MCTP2: variants seen among roughly 807,000 people sequenced by gnomAD.
The protein encoded by MCTP2 is multiple C2 and transmembrane domain containing 2.
Under a neutral mutation model 111.6 loss-of-function variants are expected in MCTP2, and 132 were observed. The ratio of observed to expected loss-of-function variants is 1.18; its 90% CI spans 1.03 to 1.37. The LOEUF is 1.37. Among genes scored for constraint, MCTP2 ranks in the 40% most tolerant of loss-of-function variants. The probability of loss-of-function intolerance (pLI) is 0.00; values close to 1 mark genes in which losing one functional copy is unlikely to be tolerated. For missense variants in MCTP2, 1,183 were observed against 1,067.9 expected, an observed-to-expected ratio of 1.11 and a Z score of -1.50; for synonymous variants, 395 against 387.7, an observed-to-expected ratio of 1.02 and a Z score of -0.22.
chr15:94,328,500 A>T (rs2076991333), intron 4 of MCTP2, among the ~76,000 whole-genome samples: 1 of 151,932 alleles, frequency 6.6e-6, no homozygotes, highest in Non-Finnish European at 1.5e-5. Context: ...TATTTGTTTC[A>T]TTGTCTGTAA....
In MCTP2 at chr15:94,479,996, A is replaced by ATGTATCTTT. The variant is rs1393864650; in HGVS notation, c.*966_*974dup. The ATGTATCTTT allele has an allele frequency of 6.6e-6, 1 of 152,172 alleles. No individual in the cohort carries two copies. Among genetic ancestry groups the ATGTATCTTT allele is most frequent in the Non-Finnish European group, 1.5e-5 (1 of 68,022 alleles). The allele number at this position is 152,172 out of a possible 1,614,324, so 9.4% of individuals were successfully genotyped here. A position where few individuals can be genotyped will look rare whatever the true frequency, so the allele number is the denominator to read the frequency against. On this transcript the variant is annotated 3_prime_UTR_variant, in exon 23 of 23. Coordinates refer to ENST00000357742, the MANE Select transcript of MCTP2 (RefSeq NM_001385001.1). ...AAGTAGAAATACTTTGGCTGCCCAA[A>ATGTATCTTT]TGTATCTTTTGTTCCTCTTAGAAGT...
At chr15:94,420,794 G>T (rs2082590137) in intron 17 of MCTP2, among the ~76,000 whole-genome samples, 1 of 152,160 alleles carries the variant, frequency 6.6e-6, no homozygotes, top group African/African-American at 2.4e-5. Context: ...AAATGACTTA[G>T]AATATTCCAT....
intron 12 of MCTP2, among the ~76,000 whole-genome samples, chr15:94,378,347 C>T (rs909281723): frequency 6.7e-6 from 1 of 149,820 alleles, no homozygotes; most frequent in African/African-American, 2.5e-5. Context: ...CATGATGAAA[C>T]CTGATGTCTA....
rs376091751 is a variant in MCTP2, at chr15:94,479,020, C to T, written c.2623C>T (p.Arg875Cys). The T allele has an allele frequency of 1.9e-5, 31 of 1,613,930 alleles. No homozygotes were observed. Among genetic ancestry groups the T allele is most frequent in the Middle Eastern group, 1.6e-4 (1 of 6,084 alleles). ...CAGCCACAGCCCCCTGCGGAAGAAG[C>T]GCAGCGCTCTCTAGGGCACACACCG... ...CSSHSPLRKK[R>C]SAL Residue 875 changes from arginine to cysteine, a missense_variant, in exon 23 of 23, where the codon CGC becomes TGC. Coordinates refer to ENST00000357742, the MANE Select transcript of MCTP2 (RefSeq NM_001385001.1).
At chr15:94,352,948 C>G (rs1596451219) in intron 8 of MCTP2, among the ~76,000 whole-genome samples, 1 of 152,320 alleles carries the variant, frequency 6.6e-6, no homozygotes, top group African/African-American at 2.4e-5. Context: ...AGTACACCTC[C>G]TCCAGCATGT....
chr15:94,325,282 G>T (rs2076810186), intron 4 of MCTP2, among the ~76,000 whole-genome samples: 2 of 152,164 alleles, frequency 1.3e-5, no homozygotes, highest in South Asian at 4.1e-4. Flanking sequence ...GCGGGGCCGT[G>T]AGGTGGGTGG....
chr15:94,452,169 A>G (rs776772176), intron 19 of MCTP2, among the ~76,000 whole-genome samples: 12 of 152,182 alleles, frequency 7.9e-5, no homozygotes, highest in Non-Finnish European at 1.3e-4. Context: ...TTTCCTATAC[A>G]TGGAAATACT....
intron 12 of MCTP2, 113 bp from the exon 13 acceptor site, chr15:94,383,909 A>G: frequency 1.4e-6 from 1 of 726,354 alleles, no homozygotes; most frequent in Non-Finnish European, 2.4e-6. Context: ...TTGGAAAAGC[A>G]GTCTTGCCTT....
At chr15:94,260,455 T>C (rs2073118399) in intron 1 of MCTP2, among the ~76,000 whole-genome samples, 1 of 152,232 alleles carries the variant, frequency 6.6e-6, no homozygotes, top group Admixed American at 6.5e-5. Flanking sequence ...TCGTCTTCTC[T>C]CATGGGCCAC....
intron 21 of MCTP2, among the ~76,000 whole-genome samples, chr15:94,474,466 G>T (rs2074185843): frequency 6.6e-6 from 1 of 152,218 alleles, no homozygotes; most frequent in Non-Finnish European, 1.5e-5. Context: ...GTACAGGAAG[G>T]TTACGTGATT....
intron 17 of MCTP2, among the ~76,000 whole-genome samples, chr15:94,407,211 A>G (rs1567644765): frequency 2.0e-5 from 3 of 152,154 alleles, no homozygotes; most frequent in South Asian, 2.1e-4. Context: ...TGCATTTTTC[A>G]TATGTTAAAA....
chr15:94,470,100 C>A (rs1384584791), intron 20 of MCTP2, among the ~76,000 whole-genome samples: 1 of 152,122 alleles, frequency 6.6e-6, no homozygotes, highest in African/African-American at 2.4e-5. Flanking sequence ...GAGGTAAAGT[C>A]ACCAATATTC....
intron 17 of MCTP2, among the ~76,000 whole-genome samples, chr15:94,433,276 A>G (rs374559981): frequency 1.3e-5 from 2 of 152,180 alleles, no homozygotes; most frequent in East Asian, 3.8e-4. Flanking sequence ...ACTATTGCAG[A>G]TAAATTTTAG....
chr15:94,298,836 C>G, intron 2 of MCTP2, 106 bp downstream of exon 2: 1 of 412,542 alleles, frequency 2.4e-6, no homozygotes, highest in Non-Finnish European at 3.7e-6. Context: ...CCCTCCCCCT[C>G]CCTCTCTCTT....
chr15:94,411,433 G>A (rs2082147942), intron 17 of MCTP2, among the ~76,000 whole-genome samples: 1 of 152,132 alleles, frequency 6.6e-6, no homozygotes, highest in Non-Finnish European at 1.5e-5. Context: ...CAAGCGGAGG[G>A]CCCTTTTATT....
chr15:94,377,171 A>G (rs1191487142), intron 12 of MCTP2, among the ~76,000 whole-genome samples: 1 of 152,172 alleles, frequency 6.6e-6, no homozygotes, highest in Non-Finnish European at 1.5e-5. Flanking sequence ...TTTCAACCAC[A>G]TGCCCATATT....
intron 21 of MCTP2, chr15:94,476,416 C>T (rs1190671007): frequency 8.6e-6 from 2 of 231,872 alleles, no homozygotes; most frequent in African/African-American, 4.6e-5. Context: ...GGCAGAGCCC[C>T]TCTTCACCAG....
At chr15:94,456,335 T>G (rs1170937779) in intron 19 of MCTP2, among the ~76,000 whole-genome samples, 2 of 152,182 alleles carry the variant, frequency 1.3e-5, no homozygotes, top group African/African-American at 4.8e-5. Flanking sequence ...GAAAAAAAAT[T>G]AGACAGTTGA....
At chr15:94,271,455 T>C (rs1036119598) in intron 1 of MCTP2, among the ~76,000 whole-genome samples, 3 of 152,226 alleles carry the variant, frequency 2.0e-5, no homozygotes, top group African/African-American at 7.2e-5. Flanking sequence ...TCAGTAAAAC[T>C]ACTTGTAGCA....
Sources: allele counts gnomAD v4.1 joint callset (sites outside exome capture counted in the v4.1 genomes callset), GRCh38; gene constraint gnomAD v4.1.1; transcripts MANE v1.5; gene names NCBI Gene and HGNC (gene_info 2026-07-23, HGNC 2026-07-21).